The following TECRL variants were observed in gnomAD, a reference collection of about 807,000 sequenced individuals.
TECRL encodes trans-2,3-enoyl-CoA reductase like, also known as trans-2,3-enoyl-CoA reductase-like.
In TECRL, 63 loss-of-function variants were observed where a neutral mutation model predicts 52.8. The observed-to-expected ratio is 1.19, with a 90% CI of 0.97 to 1.47. The LOEUF (loss-of-function observed/expected upper bound fraction) is 1.47. Ranked by LOEUF, TECRL falls within the 40% of genes most tolerant of loss-of-function variation. TECRL has a pLI of 0.00. For missense variants in TECRL, 482 were observed against 429.6 expected (o/e 1.12, Z -1.08); for synonymous variants, 164 against 141.9 (o/e 1.16, Z -1.10).
At chr4:64,352,588 A>G (rs1720473851) in intron 2 of TECRL, among the ~76,000 whole-genome samples, 1 of 152,234 alleles carries the variant, frequency 6.6e-6, no homozygotes, top group African/African-American at 2.4e-5. Flanking sequence ...TCTTATGTAG[A>G]TGTTAATTTG....
intron 1 of TECRL, among the ~76,000 whole-genome samples, chr4:64,375,437 A>G (rs1420981042): frequency 6.6e-6 from 1 of 151,988 alleles, no homozygotes; most frequent in Admixed American, 6.6e-5. Flanking sequence ...ATACAACAGT[A>G]ATAGCTTTAT....
chr4:64,390,654 G>C (rs535383019), intron 1 of TECRL, among the ~76,000 whole-genome samples: 1 of 151,802 alleles, frequency 6.6e-6, no homozygotes, highest in South Asian at 2.1e-4. Flanking sequence ...TTTAAACTGA[G>C]CAGTCCTCTT....
At chr4:64,396,360 T>G (rs1723952639) in intron 1 of TECRL, among the ~76,000 whole-genome samples, 1 of 152,162 alleles carries the variant, frequency 6.6e-6, no homozygotes, top group South Asian at 2.1e-4. Flanking sequence ...TAGTAACCAT[T>G]CTGACTATTA....
At chr4:64,336,337 T>C (rs191622994) in intron 2 of TECRL, among the ~76,000 whole-genome samples, 1 of 152,318 alleles carries the variant, frequency 6.6e-6, no homozygotes, top group African/African-American at 2.4e-5. Flanking sequence ...TAGTTTGTAT[T>C]TCTGTGGGAT....
At chr4:64,340,421 G>A (rs1020212480) in intron 2 of TECRL, among the ~76,000 whole-genome samples, 2 of 152,214 alleles carry the variant, frequency 1.3e-5, no homozygotes, top group Non-Finnish European at 2.9e-5. Flanking sequence ...CAGCTGTCTG[G>A]CTTCTCTCTG....
intron 8 of TECRL, among the ~76,000 whole-genome samples, chr4:64,295,921 T>C (rs1723654533): frequency 6.6e-6 from 1 of 151,910 alleles, no homozygotes. Flanking sequence ...CCCCAAAAAT[T>C]TAAGTATAAA....
At chr4:64,350,577 A>G (rs1720314831) in intron 2 of TECRL, among the ~76,000 whole-genome samples, 2 of 152,198 alleles carry the variant, frequency 1.3e-5, no homozygotes, top group Non-Finnish European at 2.9e-5. Flanking sequence ...TTAAGAGATT[A>G]ATATTTAAAT....
intron 5 of TECRL, among the ~76,000 whole-genome samples, chr4:64,310,638 C>T (rs1374081578): frequency 6.6e-6 from 1 of 152,112 alleles, no homozygotes; most frequent in Non-Finnish European, 1.5e-5. Flanking sequence ...AGATTTGTAC[C>T]TATTTTGTTA....
chr4:64,405,318 C>A (rs764658096), intron 1 of TECRL, among the ~76,000 whole-genome samples: 1 of 152,050 alleles, frequency 6.6e-6, no homozygotes, highest in Non-Finnish European at 1.5e-5. Context: ...GTGATAAAGA[C>A]ACAAGTAGGA....
chr4:64,348,071 C>T (rs1720117333), intron 2 of TECRL, among the ~76,000 whole-genome samples: 1 of 152,210 alleles, frequency 6.6e-6, no homozygotes, highest in Admixed American at 6.5e-5. Context: ...TGCCCCACTC[C>T]GGGTACCAAT....
chr4:64,309,460 A>G (rs1380627091), intron 6 of TECRL, among the ~76,000 whole-genome samples: 1 of 152,170 alleles, frequency 6.6e-6, no homozygotes, highest in African/African-American at 2.4e-5. Flanking sequence ...ATAATGGAAT[A>G]TAGTATCACC....
intron 2 of TECRL, among the ~76,000 whole-genome samples, chr4:64,363,362 A>T (rs1419557787): frequency 6.6e-6 from 1 of 152,178 alleles, no homozygotes; most frequent in Non-Finnish European, 1.5e-5. Flanking sequence ...CCCCGGTGCC[A>T]TAAAGAAATG....
rs188990511 is a variant in TECRL, at chr4:64,334,268, A to T, written c.287-5712T>A. 7.2e-5 allele frequency among the ~76,000 whole-genome samples: 11 copies of T among 152,122 alleles called. No individual in the cohort carries two copies. The East Asian group carries it at 1.5e-3, about 21-fold the overall frequency. The stretch of plus-strand genomic sequence containing the variant: ...ATTGGCTGCTGATTTAATATTGTTA[A>T]ATTAGCTGGGTTTATTTTGTTAAAA... On this transcript the variant is annotated intron_variant, in intron 2 of 11. Coordinates refer to ENST00000381210, the MANE Select transcript of TECRL (RefSeq NM_001010874.5).
intron 2 of TECRL, among the ~76,000 whole-genome samples, chr4:64,341,100 C>T (rs1719538522): frequency 6.6e-6 from 1 of 152,142 alleles, no homozygotes; most frequent in Admixed American, 6.5e-5. Context: ...AGGGTCTCCT[C>T]TCTGCTAAGA....
At position 64,335,944 on chromosome 4, in the gene TECRL, C is replaced by T. The variant is rs141096297; in HGVS notation, c.287-7388G>A. Among the ~76,000 whole-genome samples, 7 of 152,130 alleles carry T rather than the reference C, an allele frequency of 4.6e-5. No individual in the cohort carries two copies. In the East Asian group the frequency reaches 1.4e-3, roughly 29 times the overall value. The stretch of plus-strand genomic sequence containing the variant: ...AGTATTTTATTGAGAATTTTTGCAT[C>T]GATGTTCATCATGGATATTGGTCTT... On this transcript the variant is annotated intron_variant, in intron 2 of 11. Coordinates refer to ENST00000381210, the MANE Select transcript of TECRL (RefSeq NM_001010874.5).
intron 10 of TECRL, 61 bp from the exon 11 acceptor site, chr4:64,281,147 G>A (rs1722804330): frequency 7.2e-7 from 1 of 1,386,448 alleles, no homozygotes. Flanking sequence ...TTGTTCATTT[G>A]TGGCTTTAAC....
chr4:64,339,013 G>A (rs1414148682), intron 2 of TECRL, among the ~76,000 whole-genome samples: 1 of 152,100 alleles, frequency 6.6e-6, no homozygotes, highest in South Asian at 2.1e-4. Flanking sequence ...AGTCACAATA[G>A]CAAAGACTTG....
In TECRL at chr4:64,289,420, T is replaced by A. The variant is rs1186135172; in HGVS notation, c.832+290A>T. Among the ~76,000 whole-genome samples the A allele has an allele frequency of 5.3e-5, 8 of 152,314 alleles. No individual in the cohort carries two copies. In the East Asian group the frequency reaches 1.5e-3, roughly 29 times the overall value. On this transcript the variant is annotated intron_variant, in intron 9 of 11. Coordinates refer to ENST00000381210, the MANE Select transcript of TECRL (RefSeq NM_001010874.5). ...TATTCATCAAGTGATTTTGTACTGC[T>A]TTTGTTCTTATTCATTAGTTCATTT... is the stretch of plus-strand genomic sequence containing the variant.
chr4:64,399,239 C>T (rs878865332), intron 1 of TECRL, among the ~76,000 whole-genome samples: 1 of 152,080 alleles, frequency 6.6e-6, no homozygotes, highest in African/African-American at 2.4e-5. Flanking sequence ...TTCTAAGCAG[C>T]AAAGTGTTCA....
Sources: allele counts gnomAD v4.1 joint callset (sites outside exome capture counted in the v4.1 genomes callset), GRCh38; gene constraint gnomAD v4.1.1; transcripts MANE v1.5; gene names NCBI Gene and HGNC (gene_info 2026-07-23, HGNC 2026-07-21).